CYP39A1: variants seen among roughly 807,000 people sequenced by gnomAD.
CYP39A1 encodes the protein 24-hydroxycholesterol 7-alpha-hydroxylase.
CYP39A1 carries 49 observed loss-of-function variants against 58.1 expected under a neutral mutation model. That is an observed-to-expected ratio of 0.84 (90% confidence interval 0.67 to 1.07). The LOEUF (loss-of-function observed/expected upper bound fraction) is 1.07. Ranked by LOEUF, CYP39A1 falls within the 50% of genes least tolerant of loss-of-function variation. CYP39A1 has a pLI of 0.00. For missense variants in CYP39A1, 531 were observed against 539.4 expected (o/e 0.98, Z 0.16); for synonymous variants, 209 against 187.6 (o/e 1.11, Z -0.93).
chr6:46,578,791 C>A (rs1771974951), intron 10 of CYP39A1, among the ~76,000 whole-genome samples: 1 of 151,838 alleles, frequency 6.6e-6, no homozygotes. Flanking sequence ...GAAATGGAAT[C>A]AAAACTCGTT....
chr6:46,632,791 G>A (rs1219940929), intron 5 of CYP39A1, among the ~76,000 whole-genome samples: 1 of 152,038 alleles, frequency 6.6e-6, no homozygotes, highest in Non-Finnish European at 1.5e-5. Flanking sequence ...CCTGACTCCA[G>A]AGCCCATACT....
chr6:46,628,461 ATCT>A (rs1476622163), intron 6 of CYP39A1, among the ~76,000 whole-genome samples: 1 of 152,204 alleles, frequency 6.6e-6, no homozygotes, highest in Non-Finnish European at 1.5e-5. Flanking sequence ...GTTTGGAGAA[ATCT>A]TCTAAAAAAA....
intron 10 of CYP39A1, among the ~76,000 whole-genome samples, chr6:46,563,154 A>G (rs1175179489): frequency 1.3e-5 from 2 of 151,682 alleles, no homozygotes; most frequent in Non-Finnish European, 2.9e-5. Context: ...AGCCTTTACT[A>G]TGTCACTGAA....
At chr6:46,637,298 C>G (rs574436173) in intron 4 of CYP39A1, among the ~76,000 whole-genome samples, 1 of 152,194 alleles carries the variant, frequency 6.6e-6, no homozygotes, top group African/African-American at 2.4e-5. Context: ...TGTTTATAAG[C>G]CTCCCAGTCT....
At chr6:46,565,960 C>T (rs1424243455) in intron 10 of CYP39A1, among the ~76,000 whole-genome samples, 1 of 152,200 alleles carries the variant, frequency 6.6e-6, no homozygotes, top group Non-Finnish European at 1.5e-5. Flanking sequence ...TTCTCAAAAG[C>T]CAGTGCCATG....
intron 10 of CYP39A1, among the ~76,000 whole-genome samples, chr6:46,578,527 G>A (rs922202621): frequency 2.0e-5 from 3 of 151,332 alleles, no homozygotes; most frequent in African/African-American, 7.3e-5. Flanking sequence ...AAGATTCATA[G>A]ACCACCAGCT....
At chr6:46,617,313 G>A (rs1774669437) in intron 7 of CYP39A1, among the ~76,000 whole-genome samples, 1 of 152,120 alleles carries the variant, frequency 6.6e-6, no homozygotes, top group African/African-American at 2.4e-5. Context: ...CATATTCAGT[G>A]TTATAAATGT....
intron 2 of CYP39A1, among the ~76,000 whole-genome samples, chr6:46,641,587 C>G (rs943401166): frequency 1.3e-5 from 2 of 152,102 alleles, no homozygotes; most frequent in Non-Finnish European, 2.9e-5. Context: ...GGCCCCAGTA[C>G]ACACAATTGC....
Position 46,652,564 on chromosome 6 carries a change from T to C in CYP39A1, c.19A>G (p.Thr7Ala), listed in dbSNP as rs1762770946. 1 of 1,605,184 alleles carries C rather than the reference T, an allele frequency of 6.2e-7. No homozygotes were observed. The highest frequency in any genetic ancestry group is 8.5e-7 in the Non-Finnish European group (1 of 1,176,538). Residue 7 changes from threonine (T) to alanine (A), a missense_variant, in exon 1 of 12, where the codon ACA becomes GCA. Thr to Ala is a moderately conservative substitution (Grantham distance 58). Coordinates refer to ENST00000275016, the MANE Select transcript of CYP39A1 (RefSeq NM_016593.5). MELISPTVIIILGCLAL... is the reference protein window; with the variant it reads MELISPAVIIILGCLAL... The stretch of plus-strand genomic sequence containing the variant: ...AGGCAACCCAGGATTATAATCACTG[T>C]TGGGGAAATTAGTTCCATGTTTTTG...
intron 8 of CYP39A1, among the ~76,000 whole-genome samples, chr6:46,590,935 C>CT (rs1374417601): frequency 6.6e-6 from 1 of 152,154 alleles, no homozygotes; most frequent in Non-Finnish European, 1.5e-5. Flanking sequence ...TCATTCCCTA[C>CT]TTTTTTTCCT....
intron 1 of CYP39A1, among the ~76,000 whole-genome samples, chr6:46,648,798 CAGTT>C (rs896921382): frequency 7.3e-5 from 11 of 151,386 alleles, no homozygotes; most frequent in Non-Finnish European, 1.5e-4. Flanking sequence ...TATATTAAAA[CAGTT>C]GGTAAAAGTT....
At chr6:46,558,778 A>G (rs1770799879) in intron 10 of CYP39A1, among the ~76,000 whole-genome samples, 1 of 152,136 alleles carries the variant, frequency 6.6e-6, no homozygotes, top group Admixed American at 6.5e-5. Context: ...TGGGTGGATT[A>G]CTAGGTCATG....
intron 1 of CYP39A1, among the ~76,000 whole-genome samples, chr6:46,644,167 A>G (rs568322065): frequency 1.3e-5 from 2 of 152,262 alleles, no homozygotes; most frequent in East Asian, 3.9e-4. Flanking sequence ...CTTGGCAACC[A>G]CTAATCTGTT....
chr6:46,613,916 G>GA (rs926049623), intron 7 of CYP39A1, among the ~76,000 whole-genome samples: 9 of 119,340 alleles, frequency 7.5e-5, no homozygotes, highest in African/African-American at 2.6e-4. Flanking sequence ...TAGTTATTTT[G>GA]AAAAAAACAA....
rs182370389 is a variant in CYP39A1, at chr6:46,634,593, C to T, written c.732+1796G>A. 4.2e-3 allele frequency among the ~76,000 whole-genome samples: 618 copies of T among 147,218 alleles called. 4 individuals carry two copies. Among genetic ancestry groups the T allele is most frequent in the African/African-American group, 0.015 (572 of 39,440 alleles). ...TTGGAGTGCAGTGGCGCAATCTCGG[C>T]GCACCATAACCTCCGCCTCCCAGGT... On this transcript the variant is annotated intron_variant, in intron 5 of 11. Coordinates refer to ENST00000275016, the MANE Select transcript of CYP39A1 (RefSeq NM_016593.5).
chr6:46,582,497 T>C (rs1488466990), intron 10 of CYP39A1, among the ~76,000 whole-genome samples: 1 of 152,118 alleles, frequency 6.6e-6, no homozygotes, highest in Admixed American at 6.6e-5. Context: ...AGCACTTAAT[T>C]TTTTTTCTTC....
In CYP39A1 at chr6:46,550,310, G is replaced by T; in HGVS notation, c.*56C>A. The T allele has an allele frequency of 6.9e-7, 1 of 1,444,224 alleles. No individual in the cohort carries two copies. The highest frequency in any genetic ancestry group is 9.7e-7 in the Non-Finnish European group (1 of 1,035,534). 89.5% of individuals were successfully genotyped at this position (1,444,224 alleles called of 1,614,324 possible). Reference sequence around the variant, plus strand: ...TAGAGCTCAGGTCTAGGTGCTGCCAGGTGGGGTAGTGCCACTCCTCCAGAA... The same window carrying T: ...TAGAGCTCAGGTCTAGGTGCTGCCATGTGGGGTAGTGCCACTCCTCCAGAA... On this transcript the variant is annotated 3_prime_UTR_variant, in exon 12 of 12. Coordinates refer to ENST00000275016, the MANE Select transcript of CYP39A1 (RefSeq NM_016593.5).
intron 10 of CYP39A1, among the ~76,000 whole-genome samples, chr6:46,556,114 G>A (rs983931654): frequency 1.3e-5 from 2 of 152,182 alleles, no homozygotes; most frequent in South Asian, 2.1e-4. Context: ...TCCTGGCCAT[G>A]ATAAAGTAAC....
chr6:46,639,086 C>A (rs1582457908), intron 3 of CYP39A1, among the ~76,000 whole-genome samples: 1 of 152,206 alleles, frequency 6.6e-6, no homozygotes, highest in Non-Finnish European at 1.5e-5. Context: ...ATTCTCTCCC[C>A]TATCCTCTCA....
Sources: allele counts gnomAD v4.1 joint callset (sites outside exome capture counted in the v4.1 genomes callset), GRCh38; gene constraint gnomAD v4.1.1; transcripts MANE v1.5; gene names NCBI Gene and HGNC (gene_info 2026-07-23, HGNC 2026-07-21).